Variants in GALNT10 observed in about 807,000 individuals in gnomAD.
The protein encoded by GALNT10 is polypeptide N-acetylgalactosaminyltransferase 10.
In GALNT10, 41 loss-of-function variants were observed where a neutral mutation model predicts 75.0. The observed-to-expected ratio is 0.55, with a 90% confidence interval of 0.43 to 0.71. GALNT10 has a LOEUF of 0.71. Ranked by LOEUF, GALNT10 falls within the 30% of genes least tolerant of loss-of-function variation. GALNT10 has a pLI of 0.00. For missense variants in GALNT10, 727 were observed against 818.5 expected, an observed-to-expected ratio of 0.89 and a Z score of 1.36; for synonymous variants, 302 against 313.0, an observed-to-expected ratio of 0.96 and a Z score of 0.37.
chr5:154,400,476 C>T (rs1232332070), intron 7 of GALNT10, among the ~76,000 whole-genome samples: 4 of 152,158 alleles, frequency 2.6e-5, no homozygotes, highest in Admixed American at 2.0e-4. Context: ...TACACCAGCT[C>T]CAGAGCCCAG....
At chr5:154,239,327 T>C (rs572649871) in intron 1 of GALNT10, among the ~76,000 whole-genome samples, 1 of 152,330 alleles carries the variant, frequency 6.6e-6, no homozygotes, top group African/African-American at 2.4e-5. Flanking sequence ...AGGGCACGTA[T>C]AAGGCAGGGG....
intron 1 of GALNT10, among the ~76,000 whole-genome samples, chr5:154,213,042 C>T (rs931388720): frequency 1.3e-5 from 2 of 151,898 alleles, no homozygotes; most frequent in Admixed American, 6.6e-5. Context: ...TACTTTAGAG[C>T]TTTGAGCAGG....
intron 4 of GALNT10, among the ~76,000 whole-genome samples, chr5:154,341,065 T>C (rs1755025529): frequency 6.6e-6 from 1 of 152,174 alleles, no homozygotes; most frequent in African/African-American, 2.4e-5. Flanking sequence ...CTCATGAAAA[T>C]GGAATTTTTA....
intron 7 of GALNT10, 184 bp downstream of exon 7, chr5:154,386,614 T>TG: frequency 4.5e-6 from 1 of 222,806 alleles, no homozygotes. Flanking sequence ...TGGGGGGGTG[T>TG]GGGAGGGAAG....
At chr5:154,199,680 T>C (rs1189509870) in intron 1 of GALNT10, among the ~76,000 whole-genome samples, 3 of 152,196 alleles carry the variant, frequency 2.0e-5, no homozygotes, top group Non-Finnish European at 2.9e-5. Flanking sequence ...TAGGTGCCTC[T>C]ACGTGGGTGT....
chr5:154,337,774 C>T, intron 4 of GALNT10: 4 of 1,107,068 alleles, frequency 3.6e-6, no homozygotes, highest in South Asian at 1.2e-5. Context: ...AAGTTTCATC[C>T]ATGACCAAAG....
At chr5:154,212,739 C>T (rs531417444) in intron 1 of GALNT10, among the ~76,000 whole-genome samples, 7 of 151,654 alleles carry the variant, frequency 4.6e-5, no homozygotes, top group East Asian at 1.9e-4. Flanking sequence ...GAGGCCGAGG[C>T]GGGCAGATCA....
At chr5:154,308,613 G>C (rs749641771) in intron 3 of GALNT10, among the ~76,000 whole-genome samples, 1 of 152,164 alleles carries the variant, frequency 6.6e-6, no homozygotes, top group Admixed American at 6.5e-5. Context: ...TGCTTTGCAT[G>C]CCCACCCAAC....
At chr5:154,192,663 T>C (rs942905129) in intron 1 of GALNT10, among the ~76,000 whole-genome samples, 5 of 152,212 alleles carry the variant, frequency 3.3e-5, no homozygotes, top group African/African-American at 1.2e-4. Context: ...CGGTCCCTTC[T>C]TTTTTTCTGT....
intron 1 of GALNT10, among the ~76,000 whole-genome samples, chr5:154,281,602 T>C (rs1245209785): frequency 6.6e-6 from 1 of 152,202 alleles, no homozygotes; most frequent in Non-Finnish European, 1.5e-5. Context: ...GAAGCCTGTG[T>C]CTTTTGGGTC....
chr5:154,393,742 A>G (rs1755956429), intron 7 of GALNT10, among the ~76,000 whole-genome samples: 1 of 152,056 alleles, frequency 6.6e-6, no homozygotes, highest in African/African-American at 2.4e-5. Flanking sequence ...TTGGAAGGCT[A>G]AGGTAGGAGG....
At chr5:154,361,037 A>G (rs888506625) in intron 4 of GALNT10, among the ~76,000 whole-genome samples, 2 of 152,038 alleles carry the variant, frequency 1.3e-5, no homozygotes, top group Admixed American at 1.3e-4. Flanking sequence ...ATTAGAGAGA[A>G]TATATGGGAC....
intron 8 of GALNT10, among the ~76,000 whole-genome samples, chr5:154,408,483 T>C (rs1389804652): frequency 2.0e-5 from 3 of 152,118 alleles, no homozygotes; most frequent in Non-Finnish European, 4.4e-5. Context: ...CTCTCAGATA[T>C]ATCACATATC....
chr5:154,394,651 A>G (rs1366456647), intron 7 of GALNT10, among the ~76,000 whole-genome samples: 1 of 152,194 alleles, frequency 6.6e-6, no homozygotes, highest in African/African-American at 2.4e-5. Context: ...CAGCCCTGAG[A>G]GGGGTTAAGT....
intron 1 of GALNT10, among the ~76,000 whole-genome samples, chr5:154,283,785 GC>G (rs1754076316): frequency 6.6e-6 from 1 of 152,172 alleles, no homozygotes; most frequent in African/African-American, 2.4e-5. Context: ...CAGCCAGCCA[GC>G]CCAAAGAGCC....
At chr5:154,284,721 C>T (rs957027473) in intron 1 of GALNT10, among the ~76,000 whole-genome samples, 13 of 152,112 alleles carry the variant, frequency 8.5e-5, no homozygotes, top group Non-Finnish European at 1.6e-4. Context: ...CATCTCAGCA[C>T]GTTTTCCATA....
At chr5:154,349,523 A>G (rs979063128) in intron 4 of GALNT10, 12 of 152,280 alleles carry the variant, frequency 7.9e-5, no homozygotes, top group Non-Finnish European at 1.6e-4. Flanking sequence ...TTAGTGCACT[A>G]TGCTGATCGG....
chr5:154,222,710 A>G (rs765186321), intron 1 of GALNT10, among the ~76,000 whole-genome samples: 1 of 152,238 alleles, frequency 6.6e-6, no homozygotes, highest in Non-Finnish European at 1.5e-5. Flanking sequence ...ACATTCTGCC[A>G]TGAAGAGCAT....
rs61250361 is a variant in GALNT10, at chr5:154,351,026, A to G, written c.568+21288A>G. ...GAAATGCTGTGAGAACTACTGTTGT[A>G]GAAGAAACTTTGATGACATGATAAT... On this transcript the variant is annotated intron_variant, in intron 4 of 11. Coordinates refer to ENST00000297107, the MANE Select transcript of GALNT10 (RefSeq NM_198321.4). 4.3e-3 allele frequency among the ~76,000 whole-genome samples: 656 copies of G among 152,350 alleles called. 22 individuals are homozygous for G. Among genetic ancestry groups the G allele is most frequent in the Admixed American group, 0.031 (474 of 15,296 alleles).
Sources: gnomAD v4.1 joint callset for allele counts (sites outside exome capture counted in the v4.1 genomes callset) on GRCh38, gnomAD v4.1.1 for gene constraint, MANE v1.5 for transcripts, NCBI Gene and HGNC (gene_info 2026-07-23, HGNC 2026-07-21) for gene names.